The following ARID3B variants were observed in gnomAD, a reference collection of about 807,000 sequenced individuals.
ARID3B encodes AT-rich interaction domain 3B, also known as AT-rich interactive domain-containing protein 3B.
ARID3B carries 10 observed loss-of-function variants against 51.9 expected under a neutral mutation model. That is an observed-to-expected ratio of 0.19 (90% CI 0.12 to 0.33). The LOEUF (loss-of-function observed/expected upper bound fraction) is 0.33. Ranked by LOEUF, ARID3B falls within the 10% of genes least tolerant of loss-of-function variation. The pLI is 1.00. For synonymous variants in ARID3B, 205 were observed against 279.5 expected, an observed-to-expected ratio of 0.73 and a Z score of 2.66; for missense variants, 483 against 716.3, an observed-to-expected ratio of 0.67 and a Z score of 3.72.
chr15:74,583,325 A>G (rs1255821115), intron 4 of ARID3B, among the ~76,000 whole-genome samples: 1 of 152,210 alleles, frequency 6.6e-6, no homozygotes, highest in Admixed American at 6.5e-5. Flanking sequence ...TCAAAAAAAT[A>G]TATGTCAGAA....
chr15:74,586,429 T>G (rs2141476429), intron 4 of ARID3B, among the ~76,000 whole-genome samples: 1 of 152,392 alleles, frequency 6.6e-6, no homozygotes, highest in South Asian at 2.1e-4. Flanking sequence ...ATAAAGAGGC[T>G]AATTTTTAAT....
In ARID3B at chr15:74,572,879, G is replaced by T; in HGVS notation, c.570G>T (p.Trp190Cys). ...EQLKQNGGLA[W>C]SDDADGGRGR... ...CCTTTTAGAATGGTGGTTTGGCCTG[G>T]AGTGATGATGCAGATGGAGGCCGGG... Residue 190 changes from tryptophan to cysteine, a missense_variant, in exon 3 of 9, where the codon TGG (tryptophan) becomes TGT (cysteine). Physicochemically the swap from Trp to Cys is radical, Grantham distance 215 (BLOSUM62 -2). This residue lies in a region of ARID3B where 182 missense variants were observed against 244.5 expected (regional missense o/e 0.74). Coordinates refer to ENST00000346246, the MANE Select transcript of ARID3B (RefSeq NM_006465.4). 1 of 1,614,158 alleles carries T rather than the reference G, an allele frequency of 6.2e-7. No homozygotes were observed. Among genetic ancestry groups the T allele is most frequent in the East Asian group, 2.2e-5 (1 of 44,884 alleles).
chr15:74,562,423 G>A (rs1470347475), intron 2 of ARID3B, among the ~76,000 whole-genome samples: 1 of 152,208 alleles, frequency 6.6e-6, no homozygotes, highest in Non-Finnish European at 1.5e-5. Context: ...TTACAGGCAT[G>A]AGCCACCATG....
intron 4 of ARID3B, among the ~76,000 whole-genome samples, chr15:74,581,647 T>C (rs2061762299): frequency 6.6e-6 from 1 of 152,212 alleles, no homozygotes; most frequent in Non-Finnish European, 1.5e-5. Context: ...TTTTCCCCCA[T>C]TTTTAATAGT....
intron 1 of ARID3B, 117 bp from the exon 2 acceptor site, chr15:74,543,743 A>C (rs2061602975): frequency 1.6e-6 from 1 of 643,802 alleles, no homozygotes; most frequent in South Asian, 2.2e-5. Flanking sequence ...GTTTAGGAGC[A>C]TATGTTTAGC....
chr15:74,593,978 G>A lies in ARID3B; in HGVS notation c.1519+742G>A, dbSNP rs551274784. ...GGATCACTTGAGCCCAGGAGGTCGA[G>A]GCTGCAGTAAGCCGTGATTGTACCA... On this transcript the variant is annotated intron_variant, in intron 8 of 8. Transcript: ENST00000346246. Among the ~76,000 whole-genome samples, 4 of 151,972 alleles carry A rather than the reference G, an allele frequency of 2.6e-5. No homozygotes were observed. The East Asian group carries it at 7.7e-4, about 29-fold the overall frequency.
intron 8 of ARID3B, among the ~76,000 whole-genome samples, chr15:74,593,607 A>G (rs6495116): frequency 0.22 from 30,533 of 137,178 alleles, 4,773 homozygotes; most frequent in African/African-American, 0.44. Context: ...AAGGAACCCC[A>G]GTATAGGAGA....
intron 4 of ARID3B, among the ~76,000 whole-genome samples, chr15:74,578,677 A>G (rs1386207438): frequency 6.6e-6 from 1 of 152,174 alleles, no homozygotes; most frequent in Non-Finnish European, 1.5e-5. Flanking sequence ...GAGTCACTGG[A>G]AATAGCCTGA....
intron 2 of ARID3B, among the ~76,000 whole-genome samples, chr15:74,561,039 C>G (rs770357417): frequency 2.0e-5 from 3 of 152,178 alleles, no homozygotes; most frequent in Non-Finnish European, 2.9e-5. Context: ...TGTGCTTCAG[C>G]CTCCCAAAGT....
In ARID3B at chr15:74,593,142, CAG is replaced by C. The variant is rs1416443910; in HGVS notation, c.1428_1429del (p.Arg476SerfsTer14). 6.2e-7 allele frequency: 1 copy of C among 1,612,680 alleles called. No individual in the cohort carries two copies. The highest frequency in any genetic ancestry group is 1.7e-5 in the Admixed American group (1 of 60,000). On this transcript the variant is annotated frameshift_variant, in exon 8 of 9. Coordinates refer to ENST00000346246, the MANE Select transcript of ARID3B (RefSeq NM_006465.4). LOFTEE classifies it high-confidence loss of function. Reference protein sequence around the residue: ...MKIRINGREDRAEASAAALNL... With the variant: ...MKIRINGREDXAEASAAALNL... ...CTGTCTCCCTGTCCCCAGCAGAAGA[CAG>C]AGCAGAGGCCTCGGCTGCAGCACTG...
chr15:74,592,064 T>G (rs1247440343), intron 7 of ARID3B, among the ~76,000 whole-genome samples: 1 of 152,214 alleles, frequency 6.6e-6, no homozygotes, highest in South Asian at 2.1e-4. Context: ...GGAAAAGCAG[T>G]TATTCACAGA....
At position 74,593,182 on chromosome 15, in the gene ARID3B, A is replaced by G. The variant is rs1171490974; in HGVS notation, c.1465A>G (p.Ser489Gly). ...ASAAALNLTT[S>G]SIGSINMSVD... ...GGCTGCAGCACTGAACCTGACCACGAGTAGCATTGGGAGCATTAACATGTC... is the reference window on the plus strand; with the variant it reads ...GGCTGCAGCACTGAACCTGACCACGGGTAGCATTGGGAGCATTAACATGTC... The change falls in exon 8 of 9, where the codon AGT becomes GGT. Residue 489 changes from serine to glycine, a missense_variant. Physicochemically the swap from Ser to Gly is moderately conservative, Grantham distance 56 (BLOSUM62 0). This residue lies in a region of ARID3B where 265 missense variants were observed against 354.4 expected (regional missense o/e 0.75). Transcript: ENST00000346246. 1 of 1,613,832 alleles carries G rather than the reference A, an allele frequency of 6.2e-7. No individual in the cohort carries two copies. Among genetic ancestry groups the G allele is most frequent in the Admixed American group, 1.7e-5 (1 of 60,030 alleles).
At chr15:74,567,025 T>TC (rs1034134073) in intron 2 of ARID3B, among the ~76,000 whole-genome samples, 21 of 152,262 alleles carry the variant, frequency 1.4e-4, no homozygotes, top group African/African-American at 4.8e-4. Flanking sequence ...ATTTTTTTTT[T>TC]CAACAAAAAT....
At chr15:74,590,744 GA>G (rs754483098) in intron 5 of ARID3B, among the ~76,000 whole-genome samples, 4 of 152,198 alleles carry the variant, frequency 2.6e-5, no homozygotes, top group Admixed American at 6.5e-5. Flanking sequence ...AAGACACAAA[GA>G]ATGACAGTGT....
chr15:74,548,662 A>G (rs911844070), intron 2 of ARID3B, among the ~76,000 whole-genome samples: 1 of 152,224 alleles, frequency 6.6e-6, no homozygotes, highest in South Asian at 2.1e-4. Context: ...TGTGTTAACA[A>G]GGACAGGGTA....
intron 2 of ARID3B, among the ~76,000 whole-genome samples, chr15:74,547,129 C>G (rs1044226127): frequency 1.3e-5 from 2 of 151,904 alleles, no homozygotes; most frequent in Non-Finnish European, 2.9e-5. Flanking sequence ...TTACAAAGAC[C>G]TTTACAATTG....
chr15:74,578,305 C>G (rs1301262015), intron 4 of ARID3B, among the ~76,000 whole-genome samples: 1 of 151,846 alleles, frequency 6.6e-6, no homozygotes, highest in African/African-American at 2.4e-5. Flanking sequence ...TCCCAAGTAG[C>G]TGGGATTACA....
intron 4 of ARID3B, among the ~76,000 whole-genome samples, chr15:74,585,590 C>T (rs1049231253): frequency 1.3e-5 from 2 of 152,216 alleles, no homozygotes; most frequent in Non-Finnish European, 2.9e-5. Context: ...GAAGGTACAT[C>T]AGCAGAATTT....
Position 74,589,872 on chromosome 15 carries a change from C to T in ARID3B, c.750C>T (p.Tyr250=), listed in dbSNP as rs768016961. ...TGGCCAAACAGATCCTGGACCTGTA[C>T]ATGCTGTATAAGCTGGTGACCGAGA... is the stretch of plus-strand genomic sequence containing the variant. ...PIMAKQILDL[Y]MLYKLVTEKG... The change falls in exon 5 of 9, where the codon TAC becomes TAT. Residue 250 remains tyrosine (Y), a synonymous_variant. Transcript: ENST00000346246. 2 of 1,614,146 alleles carry T rather than the reference C, an allele frequency of 1.2e-6. No individual in the cohort carries two copies. Among genetic ancestry groups the T allele is most frequent in the Admixed American group, 1.7e-5 (1 of 60,030 alleles).
Sources: allele counts gnomAD v4.1 joint callset (sites outside exome capture counted in the v4.1 genomes callset), GRCh38; gene constraint gnomAD v4.1.1; regional missense constraint gnomAD v4.1.1; transcripts MANE v1.5; gene names NCBI Gene and HGNC (gene_info 2026-07-23, HGNC 2026-07-21).